The following SCAMP4 variants were observed in gnomAD, a reference collection of about 807,000 sequenced individuals.
The protein encoded by SCAMP4 is secretory carrier-associated membrane protein 4.
In SCAMP4, 19 loss-of-function variants were observed where a neutral mutation model predicts 32.1. The ratio of observed to expected loss-of-function variants is 0.59; its 90% CI spans 0.41 to 0.87. The LOEUF (loss-of-function observed/expected upper bound fraction) is 0.87. Ranked by LOEUF, SCAMP4 falls within the 40% of genes least tolerant of loss-of-function variation. The probability of loss-of-function intolerance (pLI) is 0.00; values close to 1 mark genes in which losing one functional copy is unlikely to be tolerated. For missense variants in SCAMP4, 302 were observed against 309.0 expected, an observed-to-expected ratio of 0.98 and a Z score of 0.17; for synonymous variants, 152 against 132.7, an observed-to-expected ratio of 1.15 and a Z score of -1.00.
At chr19:1,924,036 A>T in intron 6 of SCAMP4, 72 bp from the exon 7 acceptor site, 2 of 1,299,796 alleles carry the variant, frequency 1.5e-6, no homozygotes, top group South Asian at 1.4e-5. Flanking sequence ...CTGGGATGAC[A>T]GGCGTGAGTC....
intron 6 of SCAMP4, 65 bp downstream of exon 6, chr19:1,923,252 T>G: frequency 2.2e-6 from 3 of 1,376,150 alleles, no homozygotes; most frequent in Non-Finnish European, 3.0e-6. Context: ...CACCCAACTG[T>G]CCCAGGTGGG....
At chr19:1,906,031 C>T (rs992805292) in intron 1 of SCAMP4, 1 of 152,226 alleles carries the variant, frequency 6.6e-6, no homozygotes, top group East Asian at 1.9e-4. Context: ...AGAAGGCCTC[C>T]TTGTAGGGTG....
At position 1,918,964 on chromosome 19, in the gene SCAMP4, G is replaced by A. The variant is rs12461891; in HGVS notation, c.369G>A (p.Ala123=). The A allele has an allele frequency of 7.9e-4, 1,267 of 1,611,624 alleles. 5 individuals are homozygous for A. The Admixed American group carries it at 0.011, about 14-fold the overall frequency. Residue 123 remains alanine (A), a synonymous_variant, in exon 5 of 7, where the codon GCG becomes GCA. Coordinates refer to ENST00000316097, the MANE Select transcript of SCAMP4 (RefSeq NM_079834.4). ...GAQFVLTVIQ[A]IGFSGWGACG... ...AGTTTGTCCTGACCGTCATCCAGGC[G>A]ATTGGCTTCTCCGGCTGGGGCGCGT...
intron 5 of SCAMP4, chr19:1,922,844 C>T (rs979929726): frequency 1.1e-4 from 138 of 1,260,342 alleles, no homozygotes; most frequent in African/African-American, 2.9e-4. Context: ...CCACTGCACA[C>T]GCGGCTCACT....
Position 1,918,209 on chromosome 19 carries a change from G to A in SCAMP4, c.219G>A (p.Leu73=), listed in dbSNP as rs763381199. The A allele has an allele frequency of 3.7e-6, 6 of 1,611,956 alleles. No homozygotes were observed. Among genetic ancestry groups the A allele is most frequent in the Non-Finnish European group, 5.1e-6 (6 of 1,179,840 alleles). ...IGGGSGTNFG[L]AFVWLLLFTP... ...GAGGCTCGGGGACCAACTTCGGCCT[G>A]GCCTTCGTGTGGCTGCTCCTGTTCA... The change falls in exon 4 of 7, where the codon CTG becomes CTA. Residue 73 remains leucine (L), a synonymous_variant. Coordinates refer to ENST00000316097, the MANE Select transcript of SCAMP4 (RefSeq NM_079834.4).
At chr19:1,911,673 C>G (rs2013455197) in intron 1 of SCAMP4, among the ~76,000 whole-genome samples, 1 of 152,198 alleles carries the variant, frequency 6.6e-6, no homozygotes, top group South Asian at 2.1e-4. Context: ...ATCCCAGTTA[C>G]TCTGGAGGCT....
chr19:1,912,252 A>G (rs150715312), intron 1 of SCAMP4: 31,849 of 1,598,112 alleles, frequency 0.02, 415 homozygotes, highest in Non-Finnish European at 0.025. Flanking sequence ...CGTCCTGGAC[A>G]AGCGCCAGAC....
rs2013683724 is a variant in SCAMP4 at position 1,915,034 on chromosome 19, C to T, written c.7+8C>T. 4 of 1,613,694 alleles carry T rather than the reference C, an allele frequency of 2.5e-6. No individual in the cohort carries two copies. The highest frequency in any genetic ancestry group is 3.4e-6 in the Non-Finnish European group (4 of 1,179,766). On this transcript the variant is annotated splice_region_variant and intron_variant, in intron 2 of 6. Transcript: ENST00000316097. The stretch of plus-strand genomic sequence containing the variant: ...GTGAAACAGAGATGTCAGGTGAGTC[C>T]TGCCTGCCTGGGAGCCTCCAGCAGC...
chr19:1,919,382 A>T, intron 5 of SCAMP4: 2 of 985,276 alleles, frequency 2.0e-6, no homozygotes, highest in Non-Finnish European at 2.4e-6. Flanking sequence ...CTGTAAAAAC[A>T]CACATACCTG....
rs1432635359 is a variant in SCAMP4, at chr19:1,912,634, C to T, written c.-41-2345C>T. On this transcript the variant is annotated intron_variant, in intron 1 of 6. Transcript: ENST00000316097. ...GCCATGCAGAGCCACATGGAGCGGG[C>T]GGTGTGGGCGGCCCGGCGGGCAGCA... 61 of 1,436,698 alleles carry T rather than the reference C, an allele frequency of 4.2e-5. No individual in the cohort carries two copies. Among genetic ancestry groups the T allele is most frequent in the Admixed American group, 1.8e-4 (6 of 33,098 alleles). The allele number at this position is 1,436,698 out of a possible 1,614,324, so 89.0% of individuals were successfully genotyped here.
intron 5 of SCAMP4, 158 bp from the exon 6 acceptor site, chr19:1,922,912 A>G: frequency 7.4e-7 from 1 of 1,345,866 alleles, no homozygotes; most frequent in East Asian, 3.0e-5. Flanking sequence ...GCCTCTCAGT[A>G]TCGCTTTATG....
At chr19:1,912,636 G>A in intron 1 of SCAMP4, 1 of 1,439,102 alleles carries the variant, frequency 6.9e-7, no homozygotes, top group Non-Finnish European at 9.0e-7. Context: ...GGAGCGGGCG[G>A]TGTGGGCGGC....
Position 1,922,507 on chromosome 19 carries a change from C to T in SCAMP4, c.396-563C>T, listed in dbSNP as rs373577827. On this transcript the variant is annotated intron_variant, in intron 5 of 6. Coordinates refer to ENST00000316097, the MANE Select transcript of SCAMP4 (RefSeq NM_079834.4). ...GCCTCGGCCTCCCAAAGTGCTGGGA[C>T]GACAGGCGTAAGCCTCTGCGCCCGG... 222 of 979,912 alleles carry T rather than the reference C, an allele frequency of 2.3e-4. No individual in the cohort carries two copies. The African/African-American group carries it at 2.9e-3, about 13-fold the overall frequency. 60.7% of individuals were successfully genotyped at this position (979,912 alleles called of 1,614,324 possible).
intron 5 of SCAMP4, chr19:1,920,668 G>C (rs2013890648): frequency 7.1e-6 from 7 of 985,546 alleles, no homozygotes; most frequent in Middle Eastern, 5.2e-4. Context: ...TGCAGGTCAA[G>C]GCACTGCTCG....
chr19:1,923,274 G>T, intron 6 of SCAMP4, 87 bp downstream of exon 6: 1 of 1,185,638 alleles, frequency 8.4e-7, no homozygotes, highest in Non-Finnish European at 1.2e-6. Flanking sequence ...GAACGTCGAG[G>T]AGCCGGGCCC....
At chr19:1,907,672 C>G (rs949295086) in intron 1 of SCAMP4, among the ~76,000 whole-genome samples, 3 of 152,192 alleles carry the variant, frequency 2.0e-5, no homozygotes, top group Non-Finnish European at 2.9e-5. Context: ...CTGCCTGGAG[C>G]TATGCCGGTT....
intron 4 of SCAMP4, 125 bp downstream of exon 4, chr19:1,918,408 TG>T: frequency 8.9e-7 from 1 of 1,123,286 alleles, no homozygotes; most frequent in Non-Finnish European, 1.2e-6. Flanking sequence ...AGTTCACATC[TG>T]GGGGTGGCAA....
intron 1 of SCAMP4, among the ~76,000 whole-genome samples, chr19:1,913,693 C>T (rs759894697): frequency 1.3e-5 from 2 of 152,202 alleles, no homozygotes; most frequent in Non-Finnish European, 2.9e-5. Context: ...AGGGCACCGA[C>T]CCTAAGGAAG....
rs181984834 is a variant in SCAMP4, at chr19:1,908,633, C to T, written c.-42+3194C>T. Reference sequence around the variant, plus strand: ...TCTGCTAGAAATAACTGTGAGCACACAGGTAGTAAGGTTTTTAGGATTTTA... The same window carrying T: ...TCTGCTAGAAATAACTGTGAGCACATAGGTAGTAAGGTTTTTAGGATTTTA... On this transcript the variant is annotated intron_variant, in intron 1 of 6. Transcript: ENST00000316097. This position sits in a 1 kb window ranked among gnomAD's most constrained non-coding sequence, Gnocchi z 4.2. 2 of 467,796 alleles carry T rather than the reference C, an allele frequency of 4.3e-6. No individual in the cohort carries two copies. Among genetic ancestry groups the T allele is most frequent in the Middle Eastern group, 3.3e-4 (1 of 3,050 alleles). 29.0% of individuals were successfully genotyped at this position (467,796 alleles called of 1,614,324 possible).
Sources: gnomAD v4.1 joint callset for allele counts (sites outside exome capture counted in the v4.1 genomes callset) on GRCh38, gnomAD v4.1.1 for gene constraint, Gnocchi (gnomAD v3.1) non-coding constraint, MANE v1.5 for transcripts, NCBI Gene and HGNC (gene_info 2026-07-23, HGNC 2026-07-21) for gene names.